DTD1: variants seen among roughly 807,000 people sequenced by gnomAD.
The protein encoded by DTD1 is D-tyrosyl-tRNA deacylase 1 homolog.
In DTD1, 13 loss-of-function variants were observed where a neutral mutation model predicts 25.6. The observed-to-expected ratio is 0.51, with a 90% CI of 0.33 to 0.81. DTD1 has a LOEUF of 0.81. Among genes scored for constraint, DTD1 ranks in the 30% least tolerant of loss-of-function variants. DTD1 has a pLI of 0.02. For missense variants in DTD1, 193 were observed against 266.4 expected, an observed-to-expected ratio of 0.72 and a Z score of 1.92; for synonymous variants, 110 against 103.6, an observed-to-expected ratio of 1.06 and a Z score of -0.37.
At chr20:18,756,302 T>C (rs1170640936) in intron 5 of DTD1, among the ~76,000 whole-genome samples, 2 of 152,138 alleles carry the variant, frequency 1.3e-5, no homozygotes, top group African/African-American at 4.8e-5. Context: ...ATTTTGGCTT[T>C]TGTTGCCATT....
rs57780175 is a variant in DTD1, at chr20:18,648,995, CAAAAAAA to C, written c.477+20780_477+20786del. 1.2e-4 allele frequency among the ~76,000 whole-genome samples: 7 copies of C among 56,274 alleles called. No individual in the cohort carries two copies. The East Asian group carries it at 4.8e-3, about 38-fold the overall frequency. The allele number at this position is 56,274 out of a possible 152,430, so 36.9% of individuals were successfully genotyped here. A position where few individuals can be genotyped will look rare whatever the true frequency, so the allele number is the denominator to read the frequency against. On this transcript the variant is annotated intron_variant, in intron 4 of 5. Transcript: ENST00000377452. ...TGGGCAACAGAGAAAGACTCCATCT[CAAAAAAA>C]AAAAAAAAAAAAAAAAAGCAAATTT...
intron 4 of DTD1, among the ~76,000 whole-genome samples, chr20:18,734,652 C>T (rs1428352461): frequency 6.6e-6 from 1 of 152,214 alleles, no homozygotes; most frequent in East Asian, 1.9e-4. Flanking sequence ...ATTACTCTTA[C>T]ATTGTCTTGA....
At chr20:18,632,358 A>T (rs565193619) in intron 4 of DTD1, 1 of 985,308 alleles carries the variant, frequency 1.0e-6, no homozygotes, top group African/African-American at 1.7e-5. Context: ...GACCCTGAAC[A>T]TTGCACTGCG....
At chr20:18,730,468 T>C (rs201852116) in intron 4 of DTD1, among the ~76,000 whole-genome samples, 4 of 152,230 alleles carry the variant, frequency 2.6e-5, no homozygotes, top group East Asian at 3.8e-4. Context: ...AGGCTGAGTA[T>C]TGTAATTGTT....
chr20:18,753,607 C>CAAAAAAAA (rs58081760), intron 5 of DTD1, among the ~76,000 whole-genome samples: 24,434 of 64,506 alleles, frequency 0.38, 5,927 homozygotes, highest in South Asian at 0.53. Context: ...AACTCTGTCT[C>CAAAAAAAA]AAAAAAAAAA....
rs116402933 is a variant in DTD1 at position 18,624,635 on chromosome 20, C to T, written c.371-3492C>T. Among the ~76,000 whole-genome samples, 861 of 152,224 alleles carry T rather than the reference C, an allele frequency of 5.7e-3. 5 individuals carry two copies. Among genetic ancestry groups the T allele is most frequent in the African/African-American group, 0.02 (824 of 41,520 alleles). On this transcript the variant is annotated intron_variant, in intron 3 of 5. Transcript: ENST00000377452. Reference sequence around the variant, plus strand: ...TGGGGGGACTCAAACACTGCATCATCCCCACACAGGCTTCCTTGAGCCTCA... The same window carrying T: ...TGGGGGGACTCAAACACTGCATCATTCCCACACAGGCTTCCTTGAGCCTCA...
At chr20:18,610,764 T>C (rs867677578) in intron 3 of DTD1, among the ~76,000 whole-genome samples, 28 of 152,216 alleles carry the variant, frequency 1.8e-4, no homozygotes, top group Middle Eastern at 3.4e-3. Context: ...GCAAAAAAAT[T>C]AGCCACACAC....
In DTD1 at chr20:18,622,942, A is replaced by ATTTTTTTTTTTTTTTTTTTTTTTT. The variant is rs771564529; in HGVS notation, c.371-5173_371-5172insTTTTTTTTTTTTTTTTTTTTTTTT. Among the ~76,000 whole-genome samples, 15 of 129,756 alleles carry ATTTTTTTTTTTTTTTTTTTTTTTT rather than the reference A, an allele frequency of 1.2e-4. 1 individual carries two copies. The highest frequency in any genetic ancestry group is 1.7e-4 in the Admixed American group (2 of 12,114). The allele number at this position is 129,756 out of a possible 152,430, so 85.1% of individuals were successfully genotyped here. On this transcript the variant is annotated intron_variant, in intron 3 of 5. Coordinates refer to ENST00000377452, the MANE Select transcript of DTD1 (RefSeq NM_080820.6). ...ACTTATTAGAAGACAATTTTATAGA[A>ATTTTTTTTTTTTTTTTTTTTTTTT]TTTTTTTTTTTTGTCTGAGATGGAG...
intron 3 of DTD1, among the ~76,000 whole-genome samples, chr20:18,597,154 AGTGTGTGTGT>A (rs4052788): frequency 0.29 from 40,916 of 143,394 alleles, 5,901 homozygotes; most frequent in Non-Finnish European, 0.33. Flanking sequence ...GATGAGAGAA[AGTGTGTGTGT>A]GTGTGTGTGT....
intron 1 of DTD1, among the ~76,000 whole-genome samples, chr20:18,589,257 AG>A (rs11477088): frequency 0.59 from 89,312 of 151,862 alleles, 26,642 homozygotes; most frequent in Middle Eastern, 0.66. Flanking sequence ...AGGCTGAGGT[AG>A]GAGAATCGCT....
At chr20:18,650,105 T>C (rs555030893) in intron 4 of DTD1, among the ~76,000 whole-genome samples, 4 of 152,266 alleles carry the variant, frequency 2.6e-5, no homozygotes, top group African/African-American at 9.6e-5. Flanking sequence ...GGTGCATGTC[T>C]GTAGTCCCTG....
intron 5 of DTD1, 47 bp downstream of exon 5, chr20:18,744,318 C>G: frequency 6.3e-7 from 1 of 1,582,786 alleles, no homozygotes; most frequent in Non-Finnish European, 8.6e-7. Context: ...TTTGGGGAAG[C>G]AGCAATGAAT....
intron 4 of DTD1, among the ~76,000 whole-genome samples, chr20:18,671,682 A>C (rs937293700): frequency 6.6e-6 from 1 of 152,240 alleles, no homozygotes; most frequent in African/African-American, 2.4e-5. Flanking sequence ...TATTTGCTTA[A>C]TTTCTGATGA....
intron 4 of DTD1, among the ~76,000 whole-genome samples, chr20:18,637,358 G>A (rs920689331): frequency 1.3e-5 from 2 of 152,146 alleles, no homozygotes; most frequent in Admixed American, 6.5e-5. Context: ...ATGTGTCAGG[G>A]AAAAGCCGAT....
At chr20:18,683,730 G>C (rs965982026) in intron 4 of DTD1, among the ~76,000 whole-genome samples, 2 of 152,204 alleles carry the variant, frequency 1.3e-5, no homozygotes, top group African/African-American at 2.4e-5. Flanking sequence ...CTTCTTTGGG[G>C]GTAGTTTTAT....
At chr20:18,711,623 A>T (rs886300704) in intron 4 of DTD1, among the ~76,000 whole-genome samples, 5 of 151,686 alleles carry the variant, frequency 3.3e-5, no homozygotes, top group Non-Finnish European at 7.4e-5. Context: ...AAAAATCATG[A>T]TCTGGTGTAG....
At chr20:18,727,290 G>A (rs1568682929) in intron 4 of DTD1, among the ~76,000 whole-genome samples, 1 of 152,112 alleles carries the variant, frequency 6.6e-6, no homozygotes, top group South Asian at 2.1e-4. Flanking sequence ...GAGAAGACTA[G>A]TGTGAGGTGG....
intron 4 of DTD1, chr20:18,643,269 GT>G: frequency 6.0e-6 from 2 of 335,646 alleles, no homozygotes; most frequent in South Asian, 5.1e-5. Context: ...CAGGGTATGG[GT>G]TTTTCATAAA....
chr20:18,645,484 G>A (rs759381274), intron 4 of DTD1, among the ~76,000 whole-genome samples: 11 of 152,182 alleles, frequency 7.2e-5, no homozygotes, highest in Non-Finnish European at 1.5e-4. Flanking sequence ...AAGCTTTGGA[G>A]GTGTGGCCTC....
Sources: gnomAD v4.1 joint callset for allele counts (sites outside exome capture counted in the v4.1 genomes callset) on GRCh38, gnomAD v4.1.1 for gene constraint, MANE v1.5 for transcripts, NCBI Gene and HGNC (gene_info 2026-07-23, HGNC 2026-07-21) for gene names.